Variants in NFIB observed in about 807,000 individuals in gnomAD.
NFIB encodes the protein nuclear factor I B.
A neutral mutation model predicts 61.5 loss-of-function variants in NFIB; 11 were observed. That is an observed-to-expected ratio of 0.18 (90% confidence interval 0.11 to 0.30). The LOEUF (loss-of-function observed/expected upper bound fraction) is 0.30, where lower values mean the gene tolerates loss of function less well. NFIB is among the 10% of genes least tolerant of loss of function. The pLI is 1.00. For missense variants in NFIB, 471 were observed against 608.9 expected (o/e 0.77, Z 2.38); for synonymous variants, 260 against 216.5 (o/e 1.20, Z -1.76).
chr9:14,260,180 G>A (rs10961454), intron 2 of NFIB, among the ~76,000 whole-genome samples: 1 of 152,184 alleles, frequency 6.6e-6, no homozygotes, highest in Non-Finnish European at 1.5e-5. Context: ...ACTGACTTCA[G>A]AGAATGGATC....
chr9:14,498,667 G>A, the NFIB span, among the ~76,000 whole-genome samples: 1 of 152,128 alleles, frequency 6.6e-6, no homozygotes, highest in Non-Finnish European at 1.5e-5. Context: ...CAGGGAGTGT[G>A]ATGAGCTTCC....
upstream of NFIB, among the ~76,000 whole-genome samples, chr9:14,315,108 C>G (rs1318871569): frequency 6.6e-6 from 1 of 151,972 alleles, no homozygotes; most frequent in South Asian, 2.1e-4. Context: ...GGGACCTGAG[C>G]GAACTTGGGC....
chr9:14,247,360 C>G (rs757787747), intron 2 of NFIB, among the ~76,000 whole-genome samples: 1 of 152,198 alleles, frequency 6.6e-6, no homozygotes, highest in African/African-American at 2.4e-5. Flanking sequence ...TGGTTGGAGG[C>G]CTTCCATGCG....
At chr9:14,188,748 G>T (rs1301772298) in intron 2 of NFIB, among the ~76,000 whole-genome samples, 1 of 152,176 alleles carries the variant, frequency 6.6e-6, no homozygotes, top group Non-Finnish European at 1.5e-5. Context: ...AAGATGAGAT[G>T]AATGTTCTTT....
chr9:14,260,272 C>T (rs1322429605), intron 2 of NFIB, among the ~76,000 whole-genome samples: 2 of 152,132 alleles, frequency 1.3e-5, no homozygotes, highest in Non-Finnish European at 2.9e-5. Context: ...CCCAGGATGG[C>T]TCAATATCTG....
chr9:14,155,142 A>G (rs1587104386), intron 4 of NFIB, among the ~76,000 whole-genome samples: 1 of 152,304 alleles, frequency 6.6e-6, no homozygotes, highest in African/African-American at 2.4e-5. Flanking sequence ...CATAATTAGT[A>G]CATATAGATC....
the NFIB span, among the ~76,000 whole-genome samples, chr9:14,418,591 T>A: frequency 1.3e-5 from 2 of 152,194 alleles, no homozygotes; most frequent in South Asian, 4.1e-4. Context: ...AGAGTCTGCG[T>A]GTGAGCCCTG....
the NFIB span, among the ~76,000 whole-genome samples, chr9:14,406,942 G>A: frequency 7.2e-5 from 11 of 152,144 alleles, no homozygotes; most frequent in Non-Finnish European, 8.8e-5. Flanking sequence ...ATTGTTTTAA[G>A]CCATTGAGAT....
intron 10 of NFIB, among the ~76,000 whole-genome samples, chr9:14,088,881 C>T (rs1467625484): frequency 6.6e-6 from 1 of 152,082 alleles, no homozygotes; most frequent in Non-Finnish European, 1.5e-5. Flanking sequence ...TTAAGGTAGG[C>T]CCATGCATAA....
the NFIB span, among the ~76,000 whole-genome samples, chr9:14,480,897 A>G: frequency 6.6e-6 from 1 of 152,070 alleles, no homozygotes; most frequent in Non-Finnish European, 1.5e-5. Context: ...AAATCACTTC[A>G]TAACAAAAGA....
chr9:14,117,625 G>C (rs1363795727), intron 8 of NFIB, among the ~76,000 whole-genome samples: 2 of 152,018 alleles, frequency 1.3e-5, no homozygotes, highest in East Asian at 3.9e-4. Context: ...TAAGTCTTCG[G>C]TTAGGCTCCT....
intron 6 of NFIB, among the ~76,000 whole-genome samples, chr9:14,143,247 T>G (rs1295115940): frequency 1.3e-5 from 2 of 152,248 alleles, no homozygotes; most frequent in East Asian, 3.9e-4. Context: ...ACTTTTTCAT[T>G]AAGTTACTAA....
chr9:14,360,272 A>T (rs1051146534), intron 1 of NFIB, among the ~76,000 whole-genome samples: 2 of 152,174 alleles, frequency 1.3e-5, no homozygotes, highest in Non-Finnish European at 2.9e-5. Flanking sequence ...AAGAGCTTAC[A>T]ATTTATTTGC....
the NFIB span, among the ~76,000 whole-genome samples, chr9:14,470,470 G>C: frequency 6.6e-6 from 1 of 152,096 alleles, no homozygotes; most frequent in Admixed American, 6.6e-5. Context: ...AAGAGAATTT[G>C]AATTGTCCTA....
intron 1 of NFIB, among the ~76,000 whole-genome samples, chr9:14,384,120 T>G (rs1350198103): frequency 6.6e-6 from 1 of 152,164 alleles, no homozygotes; most frequent in East Asian, 1.9e-4. Flanking sequence ...CCTTGTGTGG[T>G]TGGCATTTGG....
At chr9:14,262,055 A>G (rs2056808827) in intron 2 of NFIB, among the ~76,000 whole-genome samples, 1 of 152,068 alleles carries the variant, frequency 6.6e-6, no homozygotes, top group Non-Finnish European at 1.5e-5. Flanking sequence ...TCGGTTTCTG[A>G]GCCCTGACAC....
chr9:14,403,219 G>A (rs897424885), upstream of NFIB, among the ~76,000 whole-genome samples: 2 of 152,166 alleles, frequency 1.3e-5, no homozygotes, highest in African/African-American at 4.8e-5. Context: ...GCTATGAAAC[G>A]ATGTAAAAGG....
rs2032824489 is a variant in NFIB at position 14,086,092 on chromosome 9, G to A, written c.*2217C>T. Reference sequence around the variant, plus strand: ...GTTATGAAAACCAGTAATGAGTTCAGCTTGCAACCCAGGTGGGAAGTTAGA... The same window carrying A: ...GTTATGAAAACCAGTAATGAGTTCAACTTGCAACCCAGGTGGGAAGTTAGA... On this transcript the variant is annotated 3_prime_UTR_variant, in exon 11 of 11. Transcript: ENST00000380953. 1 of 225,154 alleles carries A rather than the reference G, an allele frequency of 4.4e-6. No individual in the cohort carries two copies. Among genetic ancestry groups the A allele is most frequent in the Non-Finnish European group, 8.9e-6 (1 of 112,666 alleles). The allele number at this position is 225,154 out of a possible 1,614,324, so 13.9% of individuals were successfully genotyped here.
In NFIB at chr9:14,243,859, T is replaced by C. The variant is rs549320334; in HGVS notation, c.562+63130A>G. On this transcript the variant is annotated intron_variant, in intron 2 of 10. Coordinates refer to ENST00000380953, the MANE Select transcript of NFIB (RefSeq NM_001190737.2). ...GCCAGGATCCTTGCTGCTGGAGGGTTTCCTGCACAAGGGCTAGCTGAAGCC... is the reference window on the plus strand; with the variant it reads ...GCCAGGATCCTTGCTGCTGGAGGGTCTCCTGCACAAGGGCTAGCTGAAGCC... Among the ~76,000 whole-genome samples the C allele has an allele frequency of 4.6e-5, 7 of 152,240 alleles. No homozygotes were observed. The East Asian group carries it at 1.4e-3, about 29-fold the overall frequency.
Sources: gnomAD v4.1 joint callset for allele counts (sites outside exome capture counted in the v4.1 genomes callset) on GRCh38, gnomAD v4.1.1 for gene constraint, MANE v1.5 for transcripts, NCBI Gene and HGNC (gene_info 2026-07-23, HGNC 2026-07-21) for gene names.